Variants in NOL11 observed in about 807,000 individuals in gnomAD.
NOL11 encodes the protein nucleolar protein 11.
Under a neutral mutation model 93.0 loss-of-function variants are expected in NOL11, and 42 were observed. That is an observed-to-expected ratio of 0.45 (90% CI 0.35 to 0.58). The LOEUF is 0.58. NOL11 is among the 20% of genes least tolerant of loss of function. NOL11 has a pLI of 0.00. For synonymous variants in NOL11, 296 were observed against 293.7 expected, an observed-to-expected ratio of 1.01 and a Z score of -0.08; for missense variants, 775 against 841.8, an observed-to-expected ratio of 0.92 and a Z score of 0.98.
chr17:67,737,137 A>G lies in NOL11; in HGVS notation c.1210A>G (p.Thr404Ala), dbSNP rs1409603438. 1.9e-6 allele frequency: 3 copies of G among 1,592,900 alleles called. No homozygotes were observed. Among genetic ancestry groups the G allele is most frequent in the Non-Finnish European group, 2.6e-6 (3 of 1,161,450 alleles). Residue 404 changes from threonine (T) to alanine (A), a missense_variant, in exon 11 of 18, where the codon ACC becomes GCC. Around this residue, in one of 2 missense-constraint regions of NOL11, gnomAD observed 416 missense variants for 525.2 expected, o/e 0.79. Coordinates refer to ENST00000253247, the MANE Select transcript of NOL11 (RefSeq NM_015462.5). ...EVPPSKQLLS[T>A]IMKDSEKHIE... ...TCCACCATCCAAACAACTTTTGTCA[A>G]CCATAATGGTAAATAAATAATATTG...
chr17:67,736,480 CGTT>C (rs1254783425), intron 9 of NOL11, 183 bp from the exon 10 acceptor site: 7 of 538,992 alleles, frequency 1.3e-5, no homozygotes, highest in African/African-American at 7.8e-5. Flanking sequence ...GTTAGCTTAA[CGTT>C]GTTGGACATA....
rs201009697 is a variant in NOL11, at chr17:67,732,491, CAAAAAAAA to C, written c.854-1861_854-1854del. ...GGGCAATAAGAGCAAGACTCCGTCT[CAAAAAAAA>C]AAAAAAAAAATTATTCCTAGGTATT... On this transcript the variant is annotated intron_variant, in intron 7 of 17. Transcript: ENST00000253247. Among the ~76,000 whole-genome samples the C allele has an allele frequency of 8.4e-5, 6 of 71,504 alleles. No individual in the cohort carries two copies. In the South Asian group the frequency reaches 2.9e-3, roughly 35 times the overall value. The allele number at this position is 71,504 out of a possible 152,430, so 46.9% of individuals were successfully genotyped here.
At chr17:67,723,064 G>A (rs2043230566) in intron 5 of NOL11, among the ~76,000 whole-genome samples, 1 of 149,572 alleles carries the variant, frequency 6.7e-6, no homozygotes, top group Non-Finnish European at 1.5e-5. Flanking sequence ...CCAGCCTGGA[G>A]AGCAATGGTG....
chr17:67,737,793 T>C (rs1380326969), intron 12 of NOL11, 54 bp from the exon 13 acceptor site: 1 of 1,586,166 alleles, frequency 6.3e-7, no homozygotes, highest in East Asian at 2.2e-5. Context: ...ATAAATGTTC[T>C]GCAGTTGAGA....
intron 7 of NOL11, among the ~76,000 whole-genome samples, chr17:67,728,311 A>G (rs2055118741): frequency 6.6e-6 from 1 of 152,208 alleles, no homozygotes; most frequent in African/African-American, 2.4e-5. Context: ...CTGGCACTTT[A>G]CTAAGATTAT....
intron 14 of NOL11, 104 bp downstream of exon 14, chr17:67,738,459 T>A (rs751693366): frequency 1.4e-6 from 1 of 714,908 alleles, no homozygotes; most frequent in South Asian, 2.0e-5. Flanking sequence ...TTTTCTTTCC[T>A]TTTCCAATTG....
intron 7 of NOL11, among the ~76,000 whole-genome samples, chr17:67,730,074 C>A (rs2055137915): frequency 6.6e-6 from 1 of 152,156 alleles, no homozygotes; most frequent in Non-Finnish European, 1.5e-5. Flanking sequence ...TACCTCGTTG[C>A]ATGTATCAGT....
rs781650595 is a variant in NOL11 at position 67,738,336 on chromosome 17, C to G, written c.1744C>G (p.Gln582Glu). 4 of 1,609,204 alleles carry G rather than the reference C, an allele frequency of 2.5e-6. No individual in the cohort carries two copies. The South Asian group carries it at 4.4e-5, about 18-fold the overall frequency. ...GGAGAGCACTTCATGCCCTGTGGTA[C>G]AAAAAAGAGCAGCTCTACTGTATCC... ...TKESTSCPVV[Q>E]KRAALLNAIL... is the part of the protein sequence containing the mutation. The change falls in exon 14 of 18, where the codon CAA (glutamine) becomes GAA (glutamate). Residue 582 changes from glutamine (Q) to glutamate (E), a missense_variant. Gln to Glu is a conservative substitution (Grantham distance 29). Coordinates refer to ENST00000253247, the MANE Select transcript of NOL11 (RefSeq NM_015462.5).
In NOL11 at chr17:67,743,493, A is replaced by G. The variant is rs369956349; in HGVS notation, c.1950A>G (p.Ile650Met). ...PPTLNQIMDW[I>M]CLLLDANFTV... ...TTCATCTTCAGATTATGGATTGGAT[A>G]TGTCTACTTCTGGATGCAAATTTTA... Residue 650 changes from isoleucine to methionine, a missense_variant, in exon 17 of 18, where the codon ATA becomes ATG. Coordinates refer to ENST00000253247, the MANE Select transcript of NOL11 (RefSeq NM_015462.5). The G allele has an allele frequency of 1.6e-5, 25 of 1,521,004 alleles. No homozygotes were observed. The Admixed American group carries it at 2.6e-4, about 16-fold the overall frequency. 94.2% of individuals were successfully genotyped at this position (1,521,004 alleles called of 1,614,324 possible). A position where few individuals can be genotyped will look rare whatever the true frequency, so the allele number is the denominator to read the frequency against.
chr17:67,735,435 T>C (rs1371141255), intron 8 of NOL11, among the ~76,000 whole-genome samples: 1 of 152,074 alleles, frequency 6.6e-6, no homozygotes, highest in African/African-American at 2.4e-5. Context: ...TGTTTTATCA[T>C]TTTATTATTT....
chr17:67,742,559 A>G (rs1480679818), intron 16 of NOL11, among the ~76,000 whole-genome samples: 1 of 152,050 alleles, frequency 6.6e-6, no homozygotes, highest in African/African-American at 2.4e-5. Flanking sequence ...GGCTTATGTT[A>G]TGTTTAAGGC....
intron 7 of NOL11, among the ~76,000 whole-genome samples, chr17:67,729,584 C>CT (rs1320539201): frequency 3.8e-4 from 55 of 146,570 alleles, no homozygotes; most frequent in Middle Eastern, 3.5e-3. Context: ...TCATACAATA[C>CT]TTTTTTTTTT....
rs1461571955 is a variant in NOL11 at position 67,737,867 on chromosome 17, A to G, written c.1424A>G (p.Glu475Gly). Residue 475 changes from glutamate to glycine, a missense_variant, in exon 13 of 18, where the codon GAG (glutamate) becomes GGG (glycine). By Grantham distance (98) the Glu-to-Gly change is moderately conservative. Transcript: ENST00000253247. ...CTTAGTTTGTGCCCCGACTTAATGGAGATTGCCTTAAAAAAGAAAGATGTA... is the reference window on the plus strand; with the variant it reads ...CTTAGTTTGTGCCCCGACTTAATGGGGATTGCCTTAAAAAAGAAAGATGTA... ...LSYSLCPDLM[E>G]IALKKKDVQL... is the part of the protein sequence containing the mutation. 1 of 1,612,626 alleles carries G rather than the reference A, an allele frequency of 6.2e-7. No individual in the cohort carries two copies. Among genetic ancestry groups the G allele is most frequent in the Non-Finnish European group, 8.5e-7 (1 of 1,179,680 alleles).
Position 67,724,033 on chromosome 17 carries a change from CCTTTT to C in NOL11, c.520-15_520-11del, listed in dbSNP as rs1397935967. 17 of 1,512,692 alleles carry C rather than the reference CCTTTT, an allele frequency of 1.1e-5. No homozygotes were observed. In the Admixed American group the frequency reaches 3.8e-4, roughly 34 times the overall value. 93.7% of individuals were successfully genotyped at this position (1,512,692 alleles called of 1,614,324 possible). On this transcript the variant is annotated splice_polypyrimidine_tract_variant and intron_variant, in intron 5 of 17. Coordinates refer to ENST00000253247, the MANE Select transcript of NOL11 (RefSeq NM_015462.5). The stretch of plus-strand genomic sequence containing the variant: ...TGAAATGGGAATATTTATAAAATAA[CCTTTT>C]TTTTTTGCAGCATGGAAATTACTTT...
intron 3 of NOL11, 127 bp downstream of exon 3, chr17:67,720,089 C>T (rs2043206436): frequency 1.3e-6 from 1 of 796,958 alleles, no homozygotes. Flanking sequence ...ATCAGGTTTT[C>T]ATTCTAATTA....
At position 67,719,822 on chromosome 17, in the gene NOL11, A is replaced by G. The variant is rs371238592; in HGVS notation, c.255+35A>G. ...AAAACTTTTGTATAATATATACAAT[A>G]TAAATGTTGATTATTAACTATTTGT... On this transcript the variant is annotated intron_variant, in intron 2 of 17. Coordinates refer to ENST00000253247, the MANE Select transcript of NOL11 (RefSeq NM_015462.5). The G allele has an allele frequency of 7.3e-5, 108 of 1,470,656 alleles. No homozygotes were observed. The African/African-American group carries it at 9.1e-4, about 12-fold the overall frequency. 91.1% of individuals were successfully genotyped at this position (1,470,656 alleles called of 1,614,324 possible).
At chr17:67,719,629 T>C (rs371113378) in intron 1 of NOL11, 45 bp from the exon 2 acceptor site, 62 of 994,164 alleles carry the variant, frequency 6.2e-5, no homozygotes, top group Non-Finnish European at 8.8e-5. Flanking sequence ...CTTTTAATGT[T>C]TGAAGTTGAC....
chr17:67,722,484 A>G, intron 4 of NOL11, 96 bp from the exon 5 acceptor site: 1 of 1,470,412 alleles, frequency 6.8e-7, no homozygotes, highest in Non-Finnish European at 9.0e-7. Context: ...GTTCTAAAAA[A>G]TATTTAATGA....
Position 67,739,522 on chromosome 17 carries a change from C to T in NOL11, c.1849C>T (p.Leu617Phe). The T allele has an allele frequency of 6.4e-7, 1 of 1,572,086 alleles. No individual in the cohort carries two copies. Among genetic ancestry groups the T allele is most frequent in the Non-Finnish European group, 8.6e-7 (1 of 1,163,682 alleles). ...DIPAQHITLF[L>F]KYLYFLYLKC... ...CATTTTTTTTCCCACCCAGCTGTTT[C>T]TTAAGTATTTGTATTTCCTGTACCT... The change falls in exon 16 of 18, where the codon CTT becomes TTT. Residue 617 changes from leucine to phenylalanine, a missense_variant. Leu to Phe is a conservative substitution (Grantham distance 22). Around this residue, in one of 2 missense-constraint regions of NOL11, gnomAD observed 416 missense variants for 525.2 expected, o/e 0.79. Coordinates refer to ENST00000253247, the MANE Select transcript of NOL11 (RefSeq NM_015462.5).
Sources: gnomAD v4.1 joint callset for allele counts (sites outside exome capture counted in the v4.1 genomes callset) on GRCh38, gnomAD v4.1.1 for gene constraint, gnomAD v4.1.1 regional missense constraint, MANE v1.5 for transcripts, NCBI Gene and HGNC (gene_info 2026-07-23, HGNC 2026-07-21) for gene names.